The following CREBBP variants were observed in gnomAD, a reference collection of about 807,000 sequenced individuals.
The protein encoded by CREBBP is CREB binding lysine acetyltransferase.
CREBBP carries 19 observed loss-of-function variants against 265.0 expected under a neutral mutation model. That is an observed-to-expected ratio of 0.07 (90% CI 0.05 to 0.11). The LOEUF (loss-of-function observed/expected upper bound fraction) is 0.11. CREBBP is among the 10% of genes least tolerant of loss of function. The probability of loss-of-function intolerance (pLI) is 1.00; values close to 1 mark genes in which losing one functional copy is unlikely to be tolerated. For missense variants in CREBBP, 2,525 were observed against 3,219.0 expected, an observed-to-expected ratio of 0.78 and a Z score of 5.22; for synonymous variants, 1,457 against 1,223.7, an observed-to-expected ratio of 1.19 and a Z score of -3.98.
chr16:3,795,792 A>G (rs1324720100), intron 3 of CREBBP, among the ~76,000 whole-genome samples: 1 of 152,230 alleles, frequency 6.6e-6, no homozygotes, highest in Non-Finnish European at 1.5e-5. Flanking sequence ...AGAAACACAA[A>G]ATGAGCCTCA....
chr16:3,825,732 C>CT (rs1236615314), intron 2 of CREBBP, among the ~76,000 whole-genome samples: 1 of 152,140 alleles, frequency 6.6e-6, no homozygotes, highest in Non-Finnish European at 1.5e-5. Context: ...GACAAAATCT[C>CT]TTGTTTCTGA....
At chr16:3,749,137 A>G (rs920074670) in intron 21 of CREBBP, among the ~76,000 whole-genome samples, 3 of 152,224 alleles carry the variant, frequency 2.0e-5, no homozygotes, top group Admixed American at 1.3e-4. Flanking sequence ...ACAGAGCGAG[A>G]CTGTCTCAAA....
At chr16:3,830,765 C>T (rs1468525569) in intron 2 of CREBBP, among the ~76,000 whole-genome samples, 1 of 152,110 alleles carries the variant, frequency 6.6e-6, no homozygotes, top group African/African-American at 2.4e-5. Context: ...TGAAACATCA[C>T]ATCCCACAAC....
intron 2 of CREBBP, among the ~76,000 whole-genome samples, chr16:3,842,865 C>G (rs2054590559): frequency 6.7e-6 from 1 of 148,756 alleles, no homozygotes; most frequent in African/African-American, 2.5e-5. Context: ...ACTCAGGAGG[C>G]TGAGGCAGGA....
intron 2 of CREBBP, among the ~76,000 whole-genome samples, chr16:3,824,204 G>T (rs770796043): frequency 6.6e-6 from 1 of 152,268 alleles, no homozygotes; most frequent in African/African-American, 2.4e-5. Context: ...AAACAAGGGG[G>T]TCAAGAGCTG....
chr16:3,728,618 A>T lies in CREBBP; in HGVS notation c.6429T>A (p.Asn2143Lys), dbSNP rs754745819. The T allele has an allele frequency of 1.9e-6, 3 of 1,613,504 alleles. No homozygotes were observed. In the South Asian group the frequency reaches 3.3e-5, roughly 18 times the overall value. The change falls in exon 31 of 31, where the codon AAT (asparagine) becomes AAA (lysine). Residue 2143 changes from asparagine to lysine, a missense_variant. By Grantham distance (94) the Asn-to-Lys change is moderately conservative. Transcript: ENST00000262367. This position sits in a 1 kb window ranked among gnomAD's most constrained non-coding sequence, Gnocchi z 8.7. Reference protein sequence around the residue: ...MHQQPSLQNLNAMQAGVPRPG... With the variant: ...MHQQPSLQNLKAMQAGVPRPG... Reference sequence around the variant, plus strand: ...GCCGCGGCACGCCAGCCTGCATGGCATTCAGGTTCTGCAGGCTGGGCTGCT... The same window carrying T: ...GCCGCGGCACGCCAGCCTGCATGGCTTTCAGGTTCTGCAGGCTGGGCTGCT...
At chr16:3,760,642 G>A (rs1467322080) in intron 16 of CREBBP, among the ~76,000 whole-genome samples, 1 of 152,048 alleles carries the variant, frequency 6.6e-6, no homozygotes, top group Non-Finnish European at 1.5e-5. Context: ...GATCTCAAAT[G>A]ATCTACCCGC....
chr16:3,806,040 G>A (rs1377314302), intron 3 of CREBBP, among the ~76,000 whole-genome samples: 2 of 152,214 alleles, frequency 1.3e-5, no homozygotes, highest in Admixed American at 6.5e-5. Flanking sequence ...CGGGAGGACT[G>A]GGTGAGGCCC....
intron 2 of CREBBP, among the ~76,000 whole-genome samples, chr16:3,849,427 GTGTGTGTGT>G (rs2054749498): frequency 2.0e-3 from 33 of 16,390 alleles, no homozygotes; most frequent in South Asian, 6.8e-3. Context: ...GTGTGTGTGT[GTGTGTGTGT>G]GTGTGTGTGT....
chr16:3,764,749 G>T (rs2052806484), intron 16 of CREBBP, among the ~76,000 whole-genome samples: 1 of 150,162 alleles, frequency 6.7e-6, no homozygotes. Context: ...ACACTTGGCT[G>T]ATTTTTAATT....
chr16:3,868,949 G>A (rs2055236428), intron 1 of CREBBP, among the ~76,000 whole-genome samples: 1 of 152,222 alleles, frequency 6.6e-6, no homozygotes, highest in Admixed American at 6.5e-5. Context: ...ACCCCCGCAG[G>A]GCAGAACCAC....
At chr16:3,852,963 A>G (rs2054883884) in intron 1 of CREBBP, among the ~76,000 whole-genome samples, 1 of 150,370 alleles carries the variant, frequency 6.7e-6, no homozygotes, top group Non-Finnish European at 1.5e-5. Flanking sequence ...TATCTGTAGC[A>G]TCCAAAAAAA....
intron 1 of CREBBP, among the ~76,000 whole-genome samples, chr16:3,853,309 T>C (rs2054892557): frequency 6.6e-6 from 1 of 152,236 alleles, no homozygotes; most frequent in South Asian, 2.1e-4. Context: ...TAAGCGGCTG[T>C]ATAATACTTT....
chr16:3,768,119 G>C (rs1324134654), intron 15 of CREBBP, among the ~76,000 whole-genome samples: 1 of 129,840 alleles, frequency 7.7e-6, no homozygotes, highest in Non-Finnish European at 1.6e-5. Flanking sequence ...TGCAATTATG[G>C]TCCTAAATTT....
intron 16 of CREBBP, 179 bp downstream of exon 16, chr16:3,767,541 G>C (rs2052884325): frequency 1.3e-6 from 1 of 794,116 alleles, no homozygotes; most frequent in Non-Finnish European, 2.0e-6. Flanking sequence ...CACAGGCACA[G>C]GGCAGGGGTC....
chr16:3,727,529 C>T lies in CREBBP; in HGVS notation c.*189G>A, dbSNP rs1273168050. ...GCCAAAAAAAAACCAAAGAGAGAGA[C>T]CAGATATTTAAATCAACTGGTTTTT... is the stretch of plus-strand genomic sequence containing the variant. On this transcript the variant is annotated 3_prime_UTR_variant, in exon 31 of 31. Transcript: ENST00000262367. The T allele has an allele frequency of 3.3e-6, 1 of 302,328 alleles. No individual in the cohort carries two copies. The highest frequency in any genetic ancestry group is 3.0e-5 in the African/African-American group (1 of 33,086). 18.7% of individuals were successfully genotyped at this position (302,328 alleles called of 1,614,324 possible). A position where few individuals can be genotyped will look rare whatever the true frequency, so the allele number is the denominator to read the frequency against.
At position 3,855,507 on chromosome 16, in the gene CREBBP, C is replaced by T. The variant is rs191639621; in HGVS notation, c.86-4498G>A. On this transcript the variant is annotated intron_variant, in intron 1 of 30. Coordinates refer to ENST00000262367, the MANE Select transcript of CREBBP (RefSeq NM_004380.3). Reference sequence around the variant, plus strand: ...TTCGAACTTCTGACCTCAGGTGATCCGCCCGCCTAAGCCTCCCAAAGTGCT... The same window carrying T: ...TTCGAACTTCTGACCTCAGGTGATCTGCCCGCCTAAGCCTCCCAAAGTGCT... Among the ~76,000 whole-genome samples the T allele has an allele frequency of 7.7e-4, 118 of 152,268 alleles. 1 individual carries two copies. The highest frequency in any genetic ancestry group is 2.6e-3 in the African/African-American group (108 of 41,560).
intron 23 of CREBBP, chr16:3,741,172 G>C (rs952437316): frequency 6.0e-6 from 1 of 167,986 alleles, no homozygotes; most frequent in Non-Finnish European, 1.3e-5. Flanking sequence ...CCTCACCCAG[G>C]GCCAGCCCCG....
Position 3,837,853 on chromosome 16 carries a change from A to G in CREBBP, c.798+12444T>C, listed in dbSNP as rs188229321. Among the ~76,000 whole-genome samples the G allele has an allele frequency of 6.8e-4, 103 of 152,312 alleles. 2 individuals are homozygous for G. The highest frequency in any genetic ancestry group is 2.3e-3 in the African/African-American group (97 of 41,564). ...TAAATAAATTTAGCATGGCCTAAGT[A>G]TATAGTGTTTATAAAGTCTATAGCA... On this transcript the variant is annotated intron_variant, in intron 2 of 30. Transcript: ENST00000262367.
Sources: allele counts gnomAD v4.1 joint callset (sites outside exome capture counted in the v4.1 genomes callset), GRCh38; gene constraint gnomAD v4.1.1; non-coding constraint Gnocchi (gnomAD v3.1); transcripts MANE v1.5; gene names NCBI Gene and HGNC (gene_info 2026-07-23, HGNC 2026-07-21).